SLC39A11: variants seen among roughly 807,000 people sequenced by gnomAD.
SLC39A11 encodes solute carrier family 39 member 11, also known as zinc transporter ZIP11.
SLC39A11 carries 33 observed loss-of-function variants against 36.1 expected under a neutral mutation model. The ratio of observed to expected loss-of-function variants is 0.91; its 90% confidence interval spans 0.69 to 1.22. The LOEUF (loss-of-function observed/expected upper bound fraction) is 1.22, where lower values mean the gene tolerates loss of function less well. SLC39A11 is among the 50% of genes most tolerant of loss of function. The pLI is 0.00. For missense variants in SLC39A11, 432 were observed against 430.3 expected (o/e 1.00, Z -0.03); for synonymous variants, 166 against 170.3 (o/e 0.97, Z 0.20).
intron 4 of SLC39A11, among the ~76,000 whole-genome samples, chr17:72,951,289 T>G (rs1486220622): frequency 7.5e-6 from 1 of 133,916 alleles, no homozygotes; most frequent in African/African-American, 2.8e-5. Flanking sequence ...GCCAGCAAAA[T>G]GTCAATAGTG....
intron 7 of SLC39A11, among the ~76,000 whole-genome samples, chr17:72,664,769 T>A (rs1341429690): frequency 6.6e-6 from 1 of 152,210 alleles, no homozygotes; most frequent in Non-Finnish European, 1.5e-5. Context: ...ATTCATGCCC[T>A]CCGTTCTCTT....
In SLC39A11 at chr17:73,031,625, G is replaced by C. The variant is rs372107398; in HGVS notation, c.237C>G (p.Phe79Leu). The C allele has an allele frequency of 4.3e-5, 69 of 1,614,044 alleles. No individual in the cohort carries two copies. The Admixed American group carries it at 1.1e-3, about 27-fold the overall frequency. The change falls in exon 4 of 10, where the codon TTC (phenylalanine) becomes TTG (leucine). Residue 79 changes from phenylalanine (F) to leucine (L), a missense_variant. Phe to Leu is a conservative substitution (Grantham distance 22). Coordinates refer to ENST00000255559, the MANE Select transcript of SLC39A11 (RefSeq NM_139177.4). ...SSGGFGAFAF[F>L]PVAVGFTLGA... ...CAAGGGTGAAGCCAACAGCCACAGGGAAGAAGGCAAAGGCACCGAAGCCCC... is the reference window on the plus strand; with the variant it reads ...CAAGGGTGAAGCCAACAGCCACAGGCAAGAAGGCAAAGGCACCGAAGCCCC...
intron 6 of SLC39A11, among the ~76,000 whole-genome samples, chr17:72,805,926 T>C (rs189064492): frequency 4.6e-5 from 7 of 152,114 alleles, no homozygotes; most frequent in Admixed American, 2.6e-4. Context: ...TTTTTTTTTG[T>C]ATTATAGTAG....
chr17:72,803,247 T>C (rs114475593), intron 6 of SLC39A11, among the ~76,000 whole-genome samples: 2,162 of 152,350 alleles, frequency 0.014, 48 homozygotes, highest in African/African-American at 0.049. Flanking sequence ...AGGAAATGCT[T>C]ACTGACTGCT....
At chr17:72,964,802 C>A in intron 4 of SLC39A11, among the ~76,000 whole-genome samples, 1 of 152,272 alleles carries the variant, frequency 6.6e-6, no homozygotes, top group South Asian at 2.1e-4. Context: ...CACATGCACA[C>A]GTATGTTTAT....
intron 5 of SLC39A11, among the ~76,000 whole-genome samples, chr17:72,893,487 G>A (rs1049085888): frequency 4.6e-5 from 7 of 152,106 alleles, no homozygotes; most frequent in South Asian, 2.1e-4. Context: ...ATATAGATAC[G>A]GACCACAGAA....
At chr17:72,733,208 T>C (rs1225175438) in intron 7 of SLC39A11, among the ~76,000 whole-genome samples, 1 of 152,226 alleles carries the variant, frequency 6.6e-6, no homozygotes, top group African/African-American at 2.4e-5. Flanking sequence ...TTTCCCTTTA[T>C]TTCTAGCATC....
At chr17:72,842,998 G>T (rs1226132987) in intron 6 of SLC39A11, among the ~76,000 whole-genome samples, 1 of 152,136 alleles carries the variant, frequency 6.6e-6, no homozygotes, top group Non-Finnish European at 1.5e-5. Flanking sequence ...CCTCCAGGCT[G>T]GAGTGCCATG....
chr17:72,776,610 G>GAAAAAA (rs34044701), intron 6 of SLC39A11, among the ~76,000 whole-genome samples: 2 of 119,836 alleles, frequency 1.7e-5, no homozygotes, highest in Admixed American at 9.1e-5. Flanking sequence ...ACTTTGCATG[G>GAAAAAA]AAAAAAAAAA....
chr17:72,823,659 C>T lies in SLC39A11; in HGVS notation c.601+25975G>A, dbSNP rs537474265. On this transcript the variant is annotated intron_variant, in intron 6 of 9. Transcript: ENST00000255559. ...TGGAGAACAGACATCATTTCTTTCC[C>T]GTTAAACATTGCTCAATAATCCCAA... 15 of 151,498 alleles carry T rather than the reference C, an allele frequency of 9.9e-5. 1 individual carries two copies. The South Asian group carries it at 3.1e-3, about 32-fold the overall frequency. The allele number at this position is 151,498 out of a possible 1,614,324, so 9.4% of individuals were successfully genotyped here.
chr17:72,796,238 C>T (rs374486181), intron 6 of SLC39A11, among the ~76,000 whole-genome samples: 7 of 152,170 alleles, frequency 4.6e-5, no homozygotes, highest in African/African-American at 1.2e-4. Flanking sequence ...ACAGAAGAGC[C>T]GGGAAGTCAC....
chr17:73,045,568 T>A (rs1013721793), intron 3 of SLC39A11, among the ~76,000 whole-genome samples: 1 of 152,144 alleles, frequency 6.6e-6, no homozygotes, highest in African/African-American at 2.4e-5. Context: ...CTACACCTAA[T>A]GTAAGACTGC....
intron 7 of SLC39A11, among the ~76,000 whole-genome samples, chr17:72,713,139 CG>C (rs1231393969): frequency 2.6e-5 from 4 of 152,064 alleles, no homozygotes; most frequent in African/African-American, 9.7e-5. Context: ...CATTGAAGCC[CG>C]GGGTGATAAG....
chr17:73,010,937 A>G (rs1441862388), intron 4 of SLC39A11, among the ~76,000 whole-genome samples: 2 of 152,028 alleles, frequency 1.3e-5, no homozygotes, highest in Admixed American at 6.5e-5. Flanking sequence ...GATCTTCACA[A>G]CCTCTCCAAT....
intron 5 of SLC39A11, among the ~76,000 whole-genome samples, chr17:72,902,687 T>C (rs2082453540): frequency 6.6e-6 from 1 of 152,154 alleles, no homozygotes; most frequent in African/African-American, 2.4e-5. Flanking sequence ...CCGGACATAC[T>C]TTGAAAACCA....
At chr17:72,732,228 C>T (rs7223236) in intron 7 of SLC39A11, among the ~76,000 whole-genome samples, 122,734 of 151,030 alleles carry the variant, frequency 0.81, 50,996 homozygotes, top group African/African-American at 0.96. Flanking sequence ...TAGGCCAAGC[C>T]GGTCTTGAAT....
At position 73,031,611 on chromosome 17, in the gene SLC39A11, C is replaced by T. The variant is rs761663268; in HGVS notation, c.251G>A (p.Gly84Asp). The change falls in exon 4 of 10, where the codon GGC becomes GAC. Residue 84 changes from glycine to aspartate, a missense_variant. Transcript: ENST00000255559. ...GACAAAAGCCGCTCCAAGGGTGAAGCCAACAGCCACAGGGAAGAAGGCAAA... is the reference window on the plus strand; with the variant it reads ...GACAAAAGCCGCTCCAAGGGTGAAGTCAACAGCCACAGGGAAGAAGGCAAA... ...GAFAFFPVAV[G>D]FTLGAAFVYL... 1 of 1,614,140 alleles carries T rather than the reference C, an allele frequency of 6.2e-7. No homozygotes were observed. The highest frequency in any genetic ancestry group is 8.5e-7 in the Non-Finnish European group (1 of 1,180,032).
intron 5 of SLC39A11, among the ~76,000 whole-genome samples, chr17:72,857,983 G>A (rs1373817530): frequency 6.6e-6 from 1 of 152,188 alleles, no homozygotes; most frequent in East Asian, 1.9e-4. Flanking sequence ...AGTTTAATTA[G>A]ATCCCATATG....
At position 73,034,702 on chromosome 17, in the gene SLC39A11, C is replaced by T. The variant is rs144653738; in HGVS notation, c.148-2988G>A. On this transcript the variant is annotated intron_variant, in intron 3 of 9. Transcript: ENST00000255559. ...ATCGCTGTCAGCATCACTTGAGAGA[C>T]GTCCCCAACCTCTGCTCTCATCTCC... 4.4e-3 allele frequency among the ~76,000 whole-genome samples: 672 copies of T among 152,296 alleles called. 1 individual carries two copies. The highest frequency in any genetic ancestry group is 6.9e-3 in the Non-Finnish European group (472 of 68,038).
Sources: gnomAD v4.1 joint callset for allele counts (sites outside exome capture counted in the v4.1 genomes callset) on GRCh38, gnomAD v4.1.1 for gene constraint, MANE v1.5 for transcripts, NCBI Gene and HGNC (gene_info 2026-07-23, HGNC 2026-07-21) for gene names.